Variants in TARBP1 observed in about 807,000 individuals in gnomAD.
TARBP1 encodes tRNA guanosine 2 -O-methyltransferase TARBP1, also known as tRNA (guanosine(18)-2'-O)-methyltransferase TARBP1.
In TARBP1, 144 loss-of-function variants were observed where a neutral mutation model predicts 178.6. The ratio of observed to expected loss-of-function variants is 0.81; its 90% CI spans 0.70 to 0.93. The LOEUF (loss-of-function observed/expected upper bound fraction) is 0.93, where lower values mean the gene tolerates loss of function less well. Among genes scored for constraint, TARBP1 ranks in the 40% least tolerant of loss-of-function variants. The pLI, the probability that TARBP1 is intolerant of heterozygous loss-of-function variation, is 0.00. For missense variants in TARBP1, 2,067 were observed against 2,011.7 expected (o/e 1.03, Z -0.53); for synonymous variants, 787 against 781.0 (o/e 1.01, Z -0.13).
intron 12 of TARBP1, among the ~76,000 whole-genome samples, chr1:234,444,730 A>T (rs1665975687): frequency 6.6e-6 from 1 of 151,806 alleles, no homozygotes; most frequent in Admixed American, 6.6e-5. Context: ...AAGAACTTCT[A>T]CGACCTCCTA....
intron 3 of TARBP1, among the ~76,000 whole-genome samples, chr1:234,468,492 G>A (rs1668687311): frequency 1.3e-5 from 2 of 152,090 alleles, no homozygotes; most frequent in Admixed American, 6.6e-5. Context: ...GACTGTAAAC[G>A]AATGCTGTAA....
intron 20 of TARBP1, among the ~76,000 whole-genome samples, chr1:234,423,748 A>ATTTTT (rs1228790622): frequency 7.6e-6 from 1 of 130,982 alleles, no homozygotes; most frequent in East Asian, 2.2e-4. Context: ...TTTTTTCTGA[A>ATTTTT]TTTTTTTTTT....
At chr1:234,400,805 C>A (rs964931418) in intron 25 of TARBP1, 5 of 157,626 alleles carry the variant, frequency 3.2e-5, no homozygotes, top group African/African-American at 1.2e-4. Context: ...AAAAGTATAT[C>A]TTTTTGTTCT....
intron 12 of TARBP1, among the ~76,000 whole-genome samples, chr1:234,443,807 T>C (rs990929684): frequency 8.5e-5 from 13 of 152,172 alleles, no homozygotes; most frequent in Non-Finnish European, 1.8e-4. Context: ...TGCTACAACA[T>C]GGATGGACCC....
At chr1:234,431,736 G>C (rs2103135761) in intron 14 of TARBP1, among the ~76,000 whole-genome samples, 1 of 152,272 alleles carries the variant, frequency 6.6e-6, no homozygotes, top group South Asian at 2.1e-4. Flanking sequence ...GACACAGAGG[G>C]GTTAAATAAT....
chr1:234,444,864 A>G (rs1375220613), intron 12 of TARBP1, among the ~76,000 whole-genome samples: 1 of 151,578 alleles, frequency 6.6e-6, no homozygotes, highest in African/African-American at 2.4e-5. Context: ...AGCAAACACC[A>G]CCCCTTTATG....
chr1:234,420,880 A>G, intron 20 of TARBP1, 68 bp from the exon 21 acceptor site: 1 of 1,004,194 alleles, frequency 1.0e-6, no homozygotes, highest in Non-Finnish European at 1.5e-6. Context: ...GAAAAAATCA[A>G]TGACAACTTG....
chr1:234,475,916 C>T (rs913984435), intron 1 of TARBP1, among the ~76,000 whole-genome samples: 4 of 152,218 alleles, frequency 2.6e-5, no homozygotes, highest in Admixed American at 6.5e-5. Flanking sequence ...CAGCAACCAA[C>T]GCCAAACCCA....
intron 12 of TARBP1, 109 bp from the exon 13 acceptor site, chr1:234,437,481 C>A: frequency 7.4e-6 from 4 of 539,404 alleles, no homozygotes; most frequent in Non-Finnish European, 1.3e-5. Flanking sequence ...GAATCACTTG[C>A]CAAAAATAAA....
chr1:234,469,255 A>G (rs1668810843), intron 3 of TARBP1, among the ~76,000 whole-genome samples: 1 of 151,908 alleles, frequency 6.6e-6, no homozygotes, highest in Non-Finnish European at 1.5e-5. Flanking sequence ...TTTTACTTCT[A>G]TTAGAGAAAA....
chr1:234,427,809 T>TA, intron 17 of TARBP1, 43 bp from the exon 18 acceptor site: 3 of 1,366,222 alleles, frequency 2.2e-6, no homozygotes, highest in Non-Finnish European at 2.9e-6. Context: ...GATTTAGTTT[T>TA]TAAAAAATCA....
intron 24 of TARBP1, among the ~76,000 whole-genome samples, chr1:234,404,705 C>T (rs1374119761): frequency 6.6e-6 from 1 of 152,176 alleles, no homozygotes. Context: ...GCACGATGTA[C>T]CAGGAATCCA....
At chr1:234,449,130 T>A (rs2103217279) in intron 10 of TARBP1, among the ~76,000 whole-genome samples, 1 of 152,258 alleles carries the variant, frequency 6.6e-6, no homozygotes, top group Non-Finnish European at 1.5e-5. Flanking sequence ...AATAGGAGGA[T>A]GCTCATGTGT....
chr1:234,412,339 T>C (rs1661910990), intron 22 of TARBP1, among the ~76,000 whole-genome samples: 1 of 151,802 alleles, frequency 6.6e-6, no homozygotes, highest in Admixed American at 6.6e-5. Flanking sequence ...GGAGAATCAC[T>C]TGAACCCAGG....
At chr1:234,442,903 C>T (rs1385504171) in intron 12 of TARBP1, among the ~76,000 whole-genome samples, 1 of 152,188 alleles carries the variant, frequency 6.6e-6, no homozygotes, top group Non-Finnish European at 1.5e-5. Flanking sequence ...CTATCTCACC[C>T]TCAAGGCACA....
intron 9 of TARBP1, among the ~76,000 whole-genome samples, chr1:234,455,139 A>G (rs1218893449): frequency 1.3e-5 from 2 of 152,214 alleles, no homozygotes; most frequent in Admixed American, 6.5e-5. Context: ...TTAATTGCAG[A>G]CGAGTGAAAC....
intron 24 of TARBP1, among the ~76,000 whole-genome samples, chr1:234,404,712 T>G (rs1661036280): frequency 6.6e-6 from 1 of 152,170 alleles, no homozygotes. Context: ...GTACCAGGAA[T>G]CCATTCCCGC....
rs770874648 is a variant in TARBP1, at chr1:234,430,081, C to T, written c.2609+6G>A. 3.7e-6 allele frequency: 6 copies of T among 1,608,062 alleles called. No individual in the cohort carries two copies. Among genetic ancestry groups the T allele is most frequent in the Non-Finnish European group, 4.3e-6 (5 of 1,175,264 alleles). ...ATGGATTTTTAAGCCTTAACCTTCC[C>T]TGTACCTGCTGCACTCCAAGGGGTG... On this transcript the variant is annotated splice_donor_region_variant and intron_variant, in intron 15 of 29. Coordinates refer to ENST00000040877, the MANE Select transcript of TARBP1 (RefSeq NM_005646.4).
chr1:234,460,448 A>C (rs755563072), intron 6 of TARBP1, 52 bp from the exon 7 acceptor site: 32 of 1,593,756 alleles, frequency 2.0e-5, no homozygotes, highest in Middle Eastern at 3.3e-4. Flanking sequence ...ACATGAAAAG[A>C]AGCTCAATAC....
Sources: allele counts gnomAD v4.1 joint callset (sites outside exome capture counted in the v4.1 genomes callset), GRCh38; gene constraint gnomAD v4.1.1; transcripts MANE v1.5; gene names NCBI Gene and HGNC (gene_info 2026-07-23, HGNC 2026-07-21).